APPL2: variants seen among roughly 807,000 people sequenced by gnomAD.
APPL2 encodes the protein DCC-interacting protein 13-beta.
Under a neutral mutation model 92.7 loss-of-function variants are expected in APPL2, and 84 were observed. The ratio of observed to expected loss-of-function variants is 0.91; its 90% CI spans 0.76 to 1.09. The LOEUF is 1.09. APPL2 is among the 50% of genes least tolerant of loss of function. APPL2 has a pLI of 0.00. For missense variants in APPL2, 736 were observed against 824.5 expected (o/e 0.89, Z 1.31); for synonymous variants, 291 against 291.0 (o/e 1.00, Z 0.00).
Position 105,217,099 on chromosome 12 carries a change from T to C in APPL2, c.255A>G (p.Thr85=). 6.2e-7 allele frequency: 1 copy of C among 1,610,648 alleles called. No individual in the cohort carries two copies. Among genetic ancestry groups the C allele is most frequent in the Non-Finnish European group, 8.5e-7 (1 of 1,177,688 alleles). The part of the protein sequence containing the change: ...LGKGDEEVIS[T]LHYFSKVVDE... Reference sequence around the variant, plus strand: ...CCACCACTTTGGAAAAATAGTGGAGTGTTGAAATTACTTCTTCATCACCTT... The same window carrying C: ...CCACCACTTTGGAAAAATAGTGGAGCGTTGAAATTACTTCTTCATCACCTT... Residue 85 remains threonine, a synonymous_variant, in exon 4 of 21, where the codon ACA becomes ACG. Transcript: ENST00000258530.
chr12:105,218,298 GC>G (rs542185800), intron 2 of APPL2, among the ~76,000 whole-genome samples: 328 of 152,322 alleles, frequency 2.2e-3, no homozygotes, highest in Middle Eastern at 6.8e-3. Flanking sequence ...ACAAATGACT[GC>G]TCCTTCTGGT....
rs753176824 is a variant in APPL2 at position 105,229,127 on chromosome 12, G to A, written c.151C>T (p.Gln51Ter). The part of the protein sequence containing the change: ...LQAMQRVYGA[Q>*]NEMCLATQQL... ...CCAGGTGAGGGGTGGCAGCATACCT[G>A]GGCTCCATAGACGCGCTGCATTGCC... The change falls in exon 2 of 21, where the codon CAG (glutamine) becomes TAG (stop). Residue 51 changes from glutamine to a stop codon, truncating the protein, a stop_gained and splice_region_variant. Transcript: ENST00000258530. LOFTEE classifies it high-confidence loss of function. 5 of 1,610,084 alleles carry A rather than the reference G, an allele frequency of 3.1e-6. No homozygotes were observed. Among genetic ancestry groups the A allele is most frequent in the Non-Finnish European group, 4.2e-6 (5 of 1,178,358 alleles).
At chr12:105,231,781 G>C (rs1333119556) in intron 1 of APPL2, among the ~76,000 whole-genome samples, 2 of 152,212 alleles carry the variant, frequency 1.3e-5, no homozygotes, top group African/African-American at 4.8e-5. Context: ...CATTAGAACT[G>C]ACAGGGAAAC....
intron 17 of APPL2, among the ~76,000 whole-genome samples, chr12:105,180,505 CTG>C (rs1847799713): frequency 6.6e-6 from 1 of 152,138 alleles, no homozygotes; most frequent in Admixed American, 6.5e-5. Flanking sequence ...TTTTCTAACT[CTG>C]TTAAGAAAGT....
Position 105,174,382 on chromosome 12 carries a change from A to G in APPL2, c.1927T>C (p.Leu643=), listed in dbSNP as rs770785861. 1 of 1,613,962 alleles carries G rather than the reference A, an allele frequency of 6.2e-7. No homozygotes were observed. The highest frequency in any genetic ancestry group is 1.1e-5 in the South Asian group (1 of 91,064). The change falls in exon 21 of 21, where the codon TTA becomes CTA. Residue 643 remains leucine, a synonymous_variant. Coordinates refer to ENST00000258530, the MANE Select transcript of APPL2 (RefSeq NM_018171.5). ...TCATCGTCATCTGGTTGATCGTTTA[A>G]CAGTACATATTTTCCGTCATTGGTT... ...PLTNDGKYVL[L]NDQPDDDDGN... is the part of the protein sequence containing the mutation.
chr12:105,218,301 C>T (rs1263351526), intron 2 of APPL2, among the ~76,000 whole-genome samples: 1 of 152,190 alleles, frequency 6.6e-6, no homozygotes, highest in Non-Finnish European at 1.5e-5. Flanking sequence ...AATGACTGCT[C>T]CTTCTGGTCA....
chr12:105,182,687 A>G (rs1248933775), intron 17 of APPL2, among the ~76,000 whole-genome samples: 1 of 152,290 alleles, frequency 6.6e-6, no homozygotes, highest in African/African-American at 2.4e-5. Flanking sequence ...TATGTGGTCA[A>G]TTTTAGAATA....
At position 105,173,494 on chromosome 12, in the gene APPL2, C is replaced by G. The variant is rs1323072293; in HGVS notation, c.*820G>C. ...TGGAAATAGGAACTTTATACCAAGC[C>G]CCATGACCAGCTGTGCTTCAAGTGA... On this transcript the variant is annotated 3_prime_UTR_variant, in exon 21 of 21. Transcript: ENST00000258530. 6.6e-6 allele frequency: 1 copy of G among 152,608 alleles called. No homozygotes were observed. Among genetic ancestry groups the G allele is most frequent in the South Asian group, 2.1e-4 (1 of 4,820 alleles). 9.5% of individuals were successfully genotyped at this position (152,608 alleles called of 1,614,324 possible).
At chr12:105,226,459 G>A (rs1890515575) in intron 2 of APPL2, among the ~76,000 whole-genome samples, 1 of 152,178 alleles carries the variant, frequency 6.6e-6, no homozygotes, top group African/African-American at 2.4e-5. Flanking sequence ...ACAGCCTCTA[G>A]GAAGGAAAGA....
chr12:105,204,915 C>T (rs139347026), intron 8 of APPL2, among the ~76,000 whole-genome samples: 1 of 152,162 alleles, frequency 6.6e-6, no homozygotes, highest in African/African-American at 2.4e-5. Context: ...GGTCACTGTT[C>T]CGTTCTCAAA....
intron 9 of APPL2, 35 bp from the exon 10 acceptor site, chr12:105,199,566 G>C (rs1172483083): frequency 6.2e-7 from 1 of 1,600,996 alleles, no homozygotes; most frequent in Non-Finnish European, 8.5e-7. Context: ...GTTACTCACT[G>C]CTGGCCAACC....
chr12:105,211,184 T>C, intron 5 of APPL2, 46 bp downstream of exon 5: 1 of 1,278,196 alleles, frequency 7.8e-7, no homozygotes, highest in South Asian at 1.2e-5. Context: ...TGAAATGCAT[T>C]ACACAATATT....
chr12:105,207,841 ATTTT>A, intron 7 of APPL2, 126 bp downstream of exon 7: 5 of 765,858 alleles, frequency 6.5e-6, no homozygotes, highest in Admixed American at 5.4e-5. Context: ...GGAATGAACA[ATTTT>A]AAAAGTCCAT....
chr12:105,198,849 C>A (rs534643261), intron 10 of APPL2, among the ~76,000 whole-genome samples: 1 of 152,336 alleles, frequency 6.6e-6, no homozygotes, highest in South Asian at 2.1e-4. Context: ...CACACCACAC[C>A]ATGACAATAT....
chr12:105,195,528 T>G, intron 12 of APPL2, 27 bp from the exon 13 acceptor site: 2 of 1,614,192 alleles, frequency 1.2e-6, no homozygotes, highest in Non-Finnish European at 1.7e-6. Context: ...AAAAGAACAC[T>G]GAATCCCAAA....
At chr12:105,218,410 T>A (rs1188862122) in intron 2 of APPL2, among the ~76,000 whole-genome samples, 1 of 151,694 alleles carries the variant, frequency 6.6e-6, no homozygotes, top group African/African-American at 2.4e-5. Flanking sequence ...GAAGCACGCA[T>A]CAAAAAAATA....
chr12:105,174,258 AC>A lies in APPL2; in HGVS notation c.*55del. 6.3e-7 allele frequency: 1 copy of A among 1,587,332 alleles called. No individual in the cohort carries two copies. The highest frequency in any genetic ancestry group is 8.6e-7 in the Non-Finnish European group (1 of 1,168,620). On this transcript the variant is annotated 3_prime_UTR_variant, in exon 21 of 21. Coordinates refer to ENST00000258530, the MANE Select transcript of APPL2 (RefSeq NM_018171.5). Reference sequence around the variant, plus strand: ...GTGCCTGTATGTCAGAGACGTTAAAACCCTTAGGAGGTAGCTCTCCTTCCTG... The same window carrying A: ...GTGCCTGTATGTCAGAGACGTTAAAACCTTAGGAGGTAGCTCTCCTTCCTG...
chr12:105,208,314 C>T, intron 5 of APPL2, 115 bp from the exon 6 acceptor site: 1 of 1,253,782 alleles, frequency 8.0e-7, no homozygotes, highest in Non-Finnish European at 1.1e-6. Context: ...AGCCCCTGCA[C>T]CCTCAGTCCC....
At chr12:105,174,880 G>GGC (rs1007701646) in intron 20 of APPL2, among the ~76,000 whole-genome samples, 2 of 138,458 alleles carry the variant, frequency 1.4e-5, no homozygotes, top group South Asian at 5.0e-4. Context: ...TTTTGGTGGG[G>GGC]GGGGGGGTGG....
Sources: gnomAD v4.1 joint callset for allele counts (sites outside exome capture counted in the v4.1 genomes callset) on GRCh38, gnomAD v4.1.1 for gene constraint, MANE v1.5 for transcripts, NCBI Gene and HGNC (gene_info 2026-07-23, HGNC 2026-07-21) for gene names.